The following PCDH9 variants were observed in gnomAD, a reference collection of about 807,000 sequenced individuals.
PCDH9 encodes protocadherin 9.
A neutral mutation model predicts 70.6 loss-of-function variants in PCDH9; 24 were observed. The observed-to-expected ratio is 0.34, with a 90% CI of 0.25 to 0.48. PCDH9 has a LOEUF of 0.48. Among genes scored for constraint, PCDH9 ranks in the 20% least tolerant of loss-of-function variants. The pLI, the probability that PCDH9 is intolerant of heterozygous loss-of-function variation, is 0.99. For missense variants in PCDH9, 1,281 were observed against 1,503.6 expected (o/e 0.85, Z 2.45); for synonymous variants, 562 against 558.5 (o/e 1.01, Z -0.09).
chr13:67,110,888 A>G (rs1028722615), intron 2 of PCDH9, among the ~76,000 whole-genome samples: 1 of 152,210 alleles, frequency 6.6e-6, no homozygotes, highest in African/African-American at 2.4e-5. Flanking sequence ...TCGTGTTACA[A>G]TGGTCACTAT....
intron 2 of PCDH9, among the ~76,000 whole-genome samples, chr13:67,073,106 G>A (rs1222048728): frequency 1.3e-5 from 2 of 152,004 alleles, no homozygotes; most frequent in African/African-American, 4.8e-5. Flanking sequence ...ATCACACAAG[G>A]AGCTAGTTAA....
chr13:66,457,246 T>C (rs540916370), intron 4 of PCDH9, among the ~76,000 whole-genome samples: 2 of 152,220 alleles, frequency 1.3e-5, no homozygotes, highest in African/African-American at 4.8e-5. Context: ...TGAATGCATC[T>C]CCAGCTTTCC....
At chr13:67,177,649 T>C (rs1012447836) in intron 2 of PCDH9, among the ~76,000 whole-genome samples, 1 of 152,112 alleles carries the variant, frequency 6.6e-6, no homozygotes, top group Non-Finnish European at 1.5e-5. Flanking sequence ...TTCCCCTATG[T>C]TGTTGTCTCT....
chr13:66,692,944 G>A (rs1356429011), intron 3 of PCDH9, among the ~76,000 whole-genome samples: 1 of 151,918 alleles, frequency 6.6e-6, no homozygotes, highest in East Asian at 1.9e-4. Flanking sequence ...TATGATACAA[G>A]GAACAAAATA....
chr13:66,468,716 T>C (rs892592404), intron 4 of PCDH9, among the ~76,000 whole-genome samples: 1 of 152,124 alleles, frequency 6.6e-6, no homozygotes, highest in African/African-American at 2.4e-5. Flanking sequence ...ACCTCAAATT[T>C]ATACATATTA....
At chr13:67,180,953 T>C (rs1251591026) in intron 2 of PCDH9, among the ~76,000 whole-genome samples, 2 of 152,158 alleles carry the variant, frequency 1.3e-5, no homozygotes, top group South Asian at 4.2e-4. Context: ...ATAAGCATTA[T>C]CGTTTATAAA....
chr13:66,616,177 C>T (rs2077353335), intron 4 of PCDH9, among the ~76,000 whole-genome samples: 1 of 152,152 alleles, frequency 6.6e-6, no homozygotes, highest in South Asian at 2.1e-4. Flanking sequence ...TCTTGGGACC[C>T]TAAGAGGAGA....
chr13:66,395,740 C>G (rs998946402), intron 4 of PCDH9, among the ~76,000 whole-genome samples: 3 of 152,052 alleles, frequency 2.0e-5, no homozygotes, highest in African/African-American at 7.2e-5. Flanking sequence ...ACTTATAAAC[C>G]AAAACATCAT....
intron 4 of PCDH9, among the ~76,000 whole-genome samples, chr13:66,625,256 C>A (rs1021202824): frequency 1.3e-5 from 2 of 152,068 alleles, no homozygotes; most frequent in African/African-American, 4.8e-5. Context: ...ATTTTGGTAT[C>A]TTTTTATGAT....
rs540611210 is a variant in PCDH9 at position 66,623,633 on chromosome 13, T to C, written c.3340+7577A>G. On this transcript the variant is annotated intron_variant, in intron 4 of 4. Transcript: ENST00000377865. ...TTTAATTTTTTTTGTACAGACACGG[T>C]CTTGTTATGTTGCTCAGCCTGGTCT... Among the ~76,000 whole-genome samples the C allele has an allele frequency of 4.6e-5, 7 of 152,246 alleles. No individual in the cohort carries two copies. In the East Asian group the frequency reaches 1.4e-3, roughly 29 times the overall value.
At chr13:67,176,060 C>A (rs1363189041) in intron 2 of PCDH9, among the ~76,000 whole-genome samples, 1 of 152,094 alleles carries the variant, frequency 6.6e-6, no homozygotes, top group Non-Finnish European at 1.5e-5. Flanking sequence ...AAACAAATGC[C>A]TAATGGGGAA....
chr13:66,915,079 T>C (rs1566289957), intron 2 of PCDH9: 1 of 151,424 alleles, frequency 6.6e-6, no homozygotes, highest in African/African-American at 2.4e-5. Flanking sequence ...GATATGGAGG[T>C]GGGGGGCAAT....
intron 2 of PCDH9, among the ~76,000 whole-genome samples, chr13:67,019,822 A>G (rs1330554363): frequency 2.0e-5 from 3 of 152,194 alleles, no homozygotes; most frequent in Non-Finnish European, 4.4e-5. Flanking sequence ...AGGGCAGCAG[A>G]GGTGAGTACC....
intron 4 of PCDH9, among the ~76,000 whole-genome samples, chr13:66,534,941 A>C (rs1960628846): frequency 6.6e-6 from 1 of 152,112 alleles, no homozygotes; most frequent in Admixed American, 6.6e-5. Context: ...ATTATAAAAC[A>C]GTGGCTCACC....
chr13:66,361,667 C>T (rs950332319), intron 4 of PCDH9, among the ~76,000 whole-genome samples: 4 of 152,088 alleles, frequency 2.6e-5, no homozygotes, highest in Non-Finnish European at 5.9e-5. Flanking sequence ...AAGGGAAAAA[C>T]ACCCTATTGT....
chr13:66,976,768 C>T (rs1003301526), intron 2 of PCDH9, among the ~76,000 whole-genome samples: 2 of 152,056 alleles, frequency 1.3e-5, no homozygotes, highest in African/African-American at 4.8e-5. Context: ...GGATATTACA[C>T]TTTATCTGTA....
chr13:66,372,244 T>G (rs943796840), intron 4 of PCDH9, among the ~76,000 whole-genome samples: 1 of 151,960 alleles, frequency 6.6e-6, no homozygotes, highest in South Asian at 2.1e-4. Context: ...CAGAAAGTGA[T>G]AAATTCCATA....
At chr13:66,877,836 A>C (rs2081845890) in intron 3 of PCDH9, among the ~76,000 whole-genome samples, 1 of 152,134 alleles carries the variant, frequency 6.6e-6, no homozygotes, top group Admixed American at 6.5e-5. Context: ...CTTATCTGGC[A>C]CTGTATTCTT....
At chr13:66,610,255 A>G (rs2077277099) in intron 4 of PCDH9, among the ~76,000 whole-genome samples, 2 of 152,034 alleles carry the variant, frequency 1.3e-5, no homozygotes, top group Admixed American at 6.6e-5. Flanking sequence ...AAAGAGAGAG[A>G]GCAACAGAGC....
Sources: allele counts gnomAD v4.1 joint callset (sites outside exome capture counted in the v4.1 genomes callset), GRCh38; gene constraint gnomAD v4.1.1; transcripts MANE v1.5; gene names NCBI Gene and HGNC (gene_info 2026-07-23, HGNC 2026-07-21).